TSC2: variants seen among roughly 807,000 people sequenced by gnomAD.
The protein encoded by TSC2 is tuberin.
Under a neutral mutation model 202.2 loss-of-function variants are expected in TSC2, and 29 were observed. The observed-to-expected ratio is 0.14, with a 90% CI of 0.11 to 0.20. TSC2 has a LOEUF of 0.20. Among genes scored for constraint, TSC2 ranks in the 10% least tolerant of loss-of-function variants. TSC2 has a pLI of 1.00. For synonymous variants in TSC2, 1,349 were observed against 1,044.0 expected, an observed-to-expected ratio of 1.29 and a Z score of -5.63; for missense variants, 2,429 against 2,420.0, an observed-to-expected ratio of 1.00 and a Z score of -0.08.
chr16:2,088,484 T>C lies in TSC2; in HGVS notation c.5298T>C (p.Pro1766=). Residue 1766 remains proline (P), a synonymous_variant, in exon 42 of 42, where the codon CCT becomes CCC. Coordinates refer to ENST00000219476, the MANE Select transcript of TSC2 (RefSeq NM_000548.5). ...CCGCCTACTCCAACCCCAGCCTACCTCTGGTGCACCCTCCGTCCCATAGCA... is the reference window on the plus strand; with the variant it reads ...CCGCCTACTCCAACCCCAGCCTACCCCTGGTGCACCCTCCGTCCCATAGCA... ...EEAAYSNPSL[P]LVHPPSHSKA... The C allele has an allele frequency of 6.2e-7, 1 of 1,612,776 alleles. No homozygotes were observed. The highest frequency in any genetic ancestry group is 8.5e-7 in the Non-Finnish European group (1 of 1,179,984).
chr16:2,053,643 C>T, intron 4 of TSC2, 191 bp downstream of exon 4: 1 of 692,170 alleles, frequency 1.4e-6, no homozygotes, highest in Non-Finnish European at 2.6e-6. Context: ...GTAGGCACTG[C>T]CTCCTCGCCT....
chr16:2,085,396 G>T, intron 36 of TSC2, 74 bp downstream of exon 36: 2 of 1,522,366 alleles, frequency 1.3e-6, no homozygotes, highest in East Asian at 2.3e-5. Flanking sequence ...TAGGGAGTCT[G>T]GGCCCCCAAC....
chr16:2,081,414 C>A, intron 30 of TSC2, 181 bp from the exon 31 acceptor site: 3 of 775,942 alleles, frequency 3.9e-6, no homozygotes, highest in South Asian at 3.1e-5. Context: ...GAGGCAGGGG[C>A]TGAGCGGGGC....
intron 1 of TSC2, 126 bp from the exon 2 acceptor site, chr16:2,048,461 C>A: frequency 8.0e-7 from 1 of 1,255,358 alleles, no homozygotes; most frequent in Non-Finnish European, 1.1e-6. Context: ...TTGAGTTCTC[C>A]CAGGGAGTGT....
At chr16:2,064,164 C>G (rs1484129396) in intron 14 of TSC2, 108 bp from the exon 15 acceptor site, 2 of 1,569,032 alleles carry the variant, frequency 1.3e-6, no homozygotes, top group Admixed American at 3.3e-5. Flanking sequence ...GCTGAAGTCC[C>G]GAGGGACATG....
chr16:2,086,510 T>G, intron 37 of TSC2, 131 bp downstream of exon 37: 2 of 1,437,876 alleles, frequency 1.4e-6, no homozygotes, highest in Non-Finnish European at 9.5e-7. Context: ...CGCCTCAGGT[T>G]CCGAGCCTAA....
chr16:2,048,066 G>A lies in TSC2; in HGVS notation c.-30+1G>A. On this transcript the variant is annotated splice_donor_variant, in intron 1 of 41. Coordinates refer to ENST00000219476, the MANE Select transcript of TSC2 (RefSeq NM_000548.5). LOFTEE classifies it low-confidence loss of function (5UTR_SPLICE). ...CCGGAGCGCGGTGGCGCGGCGCGGGGTAAGTGGCGGTCCCCACGGGGCAAG... is the reference window on the plus strand; with the variant it reads ...CCGGAGCGCGGTGGCGCGGCGCGGGATAAGTGGCGGTCCCCACGGGGCAAG... The A allele has an allele frequency of 7.0e-7, 1 of 1,427,888 alleles. No individual in the cohort carries two copies. The highest frequency in any genetic ancestry group is 2.7e-5 in the East Asian group (1 of 37,068). 88.5% of individuals were successfully genotyped at this position (1,427,888 alleles called of 1,614,324 possible). A position where few individuals can be genotyped will look rare whatever the true frequency, so the allele number is the denominator to read the frequency against.
At chr16:2,067,474 T>TA (rs2087551218) in intron 16 of TSC2, among the ~76,000 whole-genome samples, 1 of 150,914 alleles carries the variant, frequency 6.6e-6, no homozygotes, top group Admixed American at 6.6e-5. Context: ...GGTGTTTGAT[T>TA]AAAAACCAGG....
In TSC2 at chr16:2,061,013, T is replaced by C. The variant is rs1012280175; in HGVS notation, c.1119+200T>C. ...ATTTTTCCAGACGTGGTGCATCGTT[T>C]AGGCCCCAGACAGGAATATGCAGTA... On this transcript the variant is annotated intron_variant, in intron 11 of 41. Coordinates refer to ENST00000219476, the MANE Select transcript of TSC2 (RefSeq NM_000548.5). 10 of 682,520 alleles carry C rather than the reference T, an allele frequency of 1.5e-5. No homozygotes were observed. In the African/African-American group the frequency reaches 1.6e-4, roughly 11 times the overall value. The allele number at this position is 682,520 out of a possible 1,614,324, so 42.3% of individuals were successfully genotyped here.
intron 16 of TSC2, among the ~76,000 whole-genome samples, chr16:2,069,747 TG>T (rs1481321381): frequency 1.3e-5 from 2 of 152,192 alleles, no homozygotes; most frequent in Non-Finnish European, 2.9e-5. Flanking sequence ...CCCAAAGTGC[TG>T]GGATTACAGG....
In TSC2 at chr16:2,078,861, A is replaced by T. The variant is rs991739761; in HGVS notation, c.2967-171A>T. The T allele has an allele frequency of 8.8e-6, 7 of 796,210 alleles. No homozygotes were observed. In the African/African-American group the frequency reaches 1.2e-4, roughly 14 times the overall value. The allele number at this position is 796,210 out of a possible 1,614,324, so 49.3% of individuals were successfully genotyped here. ...CAGCGTCTCCCCGTTCTCTGGGACA[A>T]TGTGGTCCACGTGATTCTCAAGCTG... On this transcript the variant is annotated intron_variant, in intron 26 of 41. Transcript: ENST00000219476.
At position 2,081,775 on chromosome 16, in the gene TSC2, C is replaced by G. The variant is rs762822990; in HGVS notation, c.3791C>G (p.Pro1264Arg). The G allele has an allele frequency of 3.1e-6, 5 of 1,612,440 alleles. No homozygotes were observed. The highest frequency in any genetic ancestry group is 1.1e-5 in the South Asian group (1 of 91,064). ...SVPAASTAKP[P>R]PLPRSNTVAS... ...CCGGCAGCCAGCACGGCCAAACCCCCTCCTCTGCCTCGCTCCAACACAGGT... is the reference window on the plus strand; with the variant it reads ...CCGGCAGCCAGCACGGCCAAACCCCGTCCTCTGCCTCGCTCCAACACAGGT... The change falls in exon 31 of 42, where the codon CCT becomes CGT. Residue 1264 changes from proline to arginine, a missense_variant. Pro to Arg is a moderately radical substitution (Grantham distance 103). Transcript: ENST00000219476.
chr16:2,079,566 C>T lies in TSC2; in HGVS notation c.3294C>T (p.Pro1098=), dbSNP rs150126331. ...GGGATTCTCTTCTCAGCTCCAGCCC[C>T]GGGGTGCATGTGAGACAGACCAAGG... ...LQSGPESSSS[P]GVHVRQTKEA... The change falls in exon 29 of 42, where the codon CCC becomes CCT. Residue 1098 remains proline (P), a synonymous_variant. Transcript: ENST00000219476. The surrounding 1 kb of genome is among the most constrained non-coding windows in gnomAD (Gnocchi z 4.6). The T allele has an allele frequency of 1.1e-5, 17 of 1,610,476 alleles. No homozygotes were observed. Among genetic ancestry groups the T allele is most frequent in the Admixed American group, 5.0e-5 (3 of 59,686 alleles).
At chr16:2,054,575 G>C (rs1460336450) in intron 5 of TSC2, 135 bp downstream of exon 5, 11 of 1,343,936 alleles carry the variant, frequency 8.2e-6, no homozygotes, top group African/African-American at 1.4e-5. Flanking sequence ...CCTGCTTCAT[G>C]CACCTGGGCT....
At chr16:2,058,621 C>G (rs1424830246) in intron 9 of TSC2, 126 bp from the exon 10 acceptor site, 4 of 1,427,508 alleles carry the variant, frequency 2.8e-6, no homozygotes, top group Admixed American at 2.0e-5. Context: ...CCCAGCGGTG[C>G]TCCTGCCCCC....
rs1193769778 is a variant in TSC2 at position 2,074,396 on chromosome 16, C to A, written c.2545+7C>A. 6.2e-7 allele frequency: 1 copy of A among 1,608,776 alleles called. No individual in the cohort carries two copies. The highest frequency in any genetic ancestry group is 2.2e-5 in the East Asian group (1 of 44,892). ...CTGCTGGAGTTCCTGTCCAGTGAGT[C>A]CCCGCCCTGCCTGCGCATGCACCCG... On this transcript the variant is annotated splice_region_variant and intron_variant, in intron 22 of 41. Transcript: ENST00000219476.
At chr16:2,076,356 G>A in intron 24 of TSC2, 135 bp from the exon 25 acceptor site, 1 of 1,573,580 alleles carries the variant, frequency 6.4e-7, no homozygotes, top group Non-Finnish European at 8.6e-7. Flanking sequence ...CAGGCATTGA[G>A]GGGTGGGAGC....
rs769883910 is a variant in TSC2, at chr16:2,085,302, C to T, written c.4642C>T (p.Leu1548=). ...ATACGACACCCACAAGATCGCCGTC[C>T]TGTATGTTGGAGAAGGCCAGGTGAG... ...PSYDTHKIAV[L]YVGEGQSNSE... The change falls in exon 36 of 42, where the codon CTG becomes TTG. Residue 1548 remains leucine (L), a synonymous_variant. Coordinates refer to ENST00000219476, the MANE Select transcript of TSC2 (RefSeq NM_000548.5). The T allele has an allele frequency of 1.2e-6, 2 of 1,612,754 alleles. No individual in the cohort carries two copies. The highest frequency in any genetic ancestry group is 3.3e-5 in the Admixed American group (2 of 60,024).
rs1567403619 is a variant in TSC2 at position 2,055,460 on chromosome 16, G to C, written c.540G>C (p.Leu180=). The change falls in exon 6 of 42, where the codon CTG becomes CTC. Residue 180 remains leucine, a synonymous_variant. Coordinates refer to ENST00000219476, the MANE Select transcript of TSC2 (RefSeq NM_000548.5). ...VGLSSEFLLV[L]VNLVKFNSCY... The stretch of plus-strand genomic sequence containing the variant: ...TGTCCTCGGAATTCCTTCTGGTGCT[G>C]GTGAACTTGGTCAAATTCAATAGCT... The C allele has an allele frequency of 6.2e-7, 1 of 1,614,222 alleles. No homozygotes were observed. Among genetic ancestry groups the C allele is most frequent in the Non-Finnish European group, 8.5e-7 (1 of 1,180,046 alleles).
Sources: gnomAD v4.1 joint callset for allele counts (sites outside exome capture counted in the v4.1 genomes callset) on GRCh38, gnomAD v4.1.1 for gene constraint, Gnocchi (gnomAD v3.1) non-coding constraint, MANE v1.5 for transcripts, NCBI Gene and HGNC (gene_info 2026-07-23, HGNC 2026-07-21) for gene names.